Variants in AGAP1 observed in about 807,000 individuals in gnomAD.
The protein encoded by AGAP1 is arf-GAP with GTPase, ANK repeat and PH domain-containing protein 1.
In AGAP1, 29 loss-of-function variants were observed where a neutral mutation model predicts 105.3. The observed-to-expected ratio is 0.28, with a 90% CI of 0.21 to 0.38. AGAP1 has a LOEUF of 0.38. Ranked by LOEUF, AGAP1 falls within the 10% of genes least tolerant of loss-of-function variation. The pLI, the probability that AGAP1 is intolerant of heterozygous loss-of-function variation, is 1.00. For synonymous variants in AGAP1, 509 were observed against 485.9 expected (o/e 1.05, Z -0.63); for missense variants, 998 against 1,165.1 (o/e 0.86, Z 2.09).
In AGAP1 at chr2:235,789,166, A is replaced by G. The variant is rs1056309122; in HGVS notation, c.674-8593A>G. ...GATACACATATTAAAAATGTCAAATACACCATATTTGTTTCAGCACAGGGT... is the reference window on the plus strand; with the variant it reads ...GATACACATATTAAAAATGTCAAATGCACCATATTTGTTTCAGCACAGGGT... On this transcript the variant is annotated intron_variant, in intron 6 of 17. Transcript: ENST00000304032. This position sits in a 1 kb window ranked among gnomAD's most constrained non-coding sequence, Gnocchi z 4.2. Among the ~76,000 whole-genome samples the G allele has an allele frequency of 2.6e-5, 4 of 152,196 alleles. No homozygotes were observed. The highest frequency in any genetic ancestry group is 9.7e-5 in the African/African-American group (4 of 41,446).
At chr2:236,047,085 T>A (rs1457616123) in intron 15 of AGAP1, among the ~76,000 whole-genome samples, 1 of 151,834 alleles carries the variant, frequency 6.6e-6, no homozygotes, top group Non-Finnish European at 1.5e-5. Context: ...GCAGTGATTG[T>A]GCCACCACAA....
At chr2:236,006,498 A>T (rs887986398) in intron 13 of AGAP1, among the ~76,000 whole-genome samples, 2 of 152,238 alleles carry the variant, frequency 1.3e-5, no homozygotes, top group South Asian at 2.1e-4. Context: ...TTCTATATGT[A>T]ACCATCTGTA....
chr2:236,081,554 A>G (rs996051641), intron 16 of AGAP1, among the ~76,000 whole-genome samples: 11 of 152,174 alleles, frequency 7.2e-5, no homozygotes, highest in Admixed American at 3.3e-4. Flanking sequence ...CCAAGTCATT[A>G]CTTTTCAAAG....
In AGAP1 at chr2:236,001,165, C is replaced by T. The variant is rs1274132513; in HGVS notation, c.1645+32542C>T. ...GACTCTGGCGGTGGCTGGGGCAGCGCGGCTGTGGGGCAGAGAATGCTGAGA... is the reference window on the plus strand; with the variant it reads ...GACTCTGGCGGTGGCTGGGGCAGCGTGGCTGTGGGGCAGAGAATGCTGAGA... On this transcript the variant is annotated intron_variant, in intron 13 of 17. Coordinates refer to ENST00000304032, the MANE Select transcript of AGAP1 (RefSeq NM_001037131.3). This position sits in a 1 kb window ranked among gnomAD's most constrained non-coding sequence, Gnocchi z 4.7. Among the ~76,000 whole-genome samples, 2 of 152,076 alleles carry T rather than the reference C, an allele frequency of 1.3e-5. No individual in the cohort carries two copies. Among genetic ancestry groups the T allele is most frequent in the Non-Finnish European group, 2.9e-5 (2 of 68,006 alleles).
At chr2:235,593,948 G>T (rs1027507251) in intron 1 of AGAP1, among the ~76,000 whole-genome samples, 2 of 152,028 alleles carry the variant, frequency 1.3e-5, no homozygotes, top group African/African-American at 2.4e-5. Flanking sequence ...CAGCCTGGGG[G>T]ACAGAGCAAG....
Position 235,843,213 on chromosome 2 carries a change from T to G in AGAP1, c.1050+35882T>G, listed in dbSNP as rs1365112535. ...AGCTCCCAGAACCCATCACCAGCCCTCCTTCTTAGAGAGTGGTCTTCGGGA... is the reference window on the plus strand; with the variant it reads ...AGCTCCCAGAACCCATCACCAGCCCGCCTTCTTAGAGAGTGGTCTTCGGGA... On this transcript the variant is annotated intron_variant, in intron 9 of 17. Coordinates refer to ENST00000304032, the MANE Select transcript of AGAP1 (RefSeq NM_001037131.3). This position sits in a 1 kb window ranked among gnomAD's most constrained non-coding sequence, Gnocchi z 5.9. Among the ~76,000 whole-genome samples the G allele has an allele frequency of 8.9e-6, 1 of 112,326 alleles. No homozygotes were observed. The highest frequency in any genetic ancestry group is 2.1e-5 in the Non-Finnish European group (1 of 46,988). The allele number at this position is 112,326 out of a possible 152,430, so 73.7% of individuals were successfully genotyped here.
chr2:235,764,686 G>A (rs1171626790), intron 6 of AGAP1, among the ~76,000 whole-genome samples: 2 of 148,976 alleles, frequency 1.3e-5, no homozygotes, highest in Non-Finnish European at 3.0e-5. Context: ...GCATCTGGGA[G>A]CGCCCGTGGG....
rs2059470299 is a variant in AGAP1, at chr2:236,105,680, TTCTCCCGCGTTC to T, written c.2115-14511_2115-14500del. ...ACACCATTCTCCCGCGTTCACGCCA[TTCTCCCGCGTTC>T]ACGCCATTCTCCCACCTCAGCCTCC... On this transcript the variant is annotated intron_variant, in intron 16 of 17. Coordinates refer to ENST00000304032, the MANE Select transcript of AGAP1 (RefSeq NM_001037131.3). The surrounding 1 kb of genome is among the most constrained non-coding windows in gnomAD (Gnocchi z 4.2). Among the ~76,000 whole-genome samples, 1 of 150,422 alleles carries T rather than the reference TTCTCCCGCGTTC, an allele frequency of 6.6e-6. No individual in the cohort carries two copies. Among genetic ancestry groups the T allele is most frequent in the Non-Finnish European group, 1.5e-5 (1 of 67,506 alleles).
At position 235,615,042 on chromosome 2, in the gene AGAP1, A is replaced by T. The variant is rs1294609488; in HGVS notation, c.164-94137A>T. ...GGTTTTCCTGGCGGTGTGGTTTTTT[A>T]AAATTTCTAATAAAATGCAAATGAT... On this transcript the variant is annotated intron_variant, in intron 1 of 17. Coordinates refer to ENST00000304032, the MANE Select transcript of AGAP1 (RefSeq NM_001037131.3). The surrounding 1 kb of genome is among the most constrained non-coding windows in gnomAD (Gnocchi z 5.0). Among the ~76,000 whole-genome samples, 1 of 152,222 alleles carries T rather than the reference A, an allele frequency of 6.6e-6. No homozygotes were observed. Among genetic ancestry groups the T allele is most frequent in the Admixed American group, 6.5e-5 (1 of 15,282 alleles).
intron 14 of AGAP1, among the ~76,000 whole-genome samples, chr2:236,039,921 A>G (rs1391543131): frequency 6.6e-6 from 1 of 152,074 alleles, no homozygotes; most frequent in Non-Finnish European, 1.5e-5. Flanking sequence ...ACTTGCTTCA[A>G]TGAGCATGTA....
At position 236,040,815 on chromosome 2, in the gene AGAP1, C is replaced by G. The variant is rs1313210101; in HGVS notation, c.1865C>G (p.Ser622Cys). ...LQSIRNMRGN[S>C]HCVDCETQNP... ...TCGATCCGGAACATGCGCGGGAACT[C>G]CCACTGTGTGGACTGCGAGACCCAG... The change falls in exon 15 of 18, where the codon TCC becomes TGC. Residue 622 changes from serine to cysteine, a missense_variant. Physicochemically the swap from Ser to Cys is moderately radical, Grantham distance 112 (BLOSUM62 -1). This residue lies in a region of AGAP1 where 735 missense variants were observed against 833.4 expected (regional missense o/e 0.88). Coordinates refer to ENST00000304032, the MANE Select transcript of AGAP1 (RefSeq NM_001037131.3). This position sits in a 1 kb window ranked among gnomAD's most constrained non-coding sequence, Gnocchi z 5.6. The G allele has an allele frequency of 5.3e-5, 86 of 1,614,042 alleles. No individual in the cohort carries two copies. Among genetic ancestry groups the G allele is most frequent in the Non-Finnish European group, 7.2e-5 (85 of 1,180,054 alleles).
intron 16 of AGAP1, among the ~76,000 whole-genome samples, chr2:236,116,392 C>T (rs1455306244): frequency 2.5e-5 from 3 of 120,904 alleles, no homozygotes; most frequent in African/African-American, 9.0e-5. Flanking sequence ...CTCTGTCGCC[C>T]ACGCTGGAGT....
At chr2:235,562,099 G>C (rs908753067) in intron 1 of AGAP1, among the ~76,000 whole-genome samples, 2 of 152,154 alleles carry the variant, frequency 1.3e-5, no homozygotes, top group East Asian at 1.9e-4. Context: ...GCATGTAAAA[G>C]ATTATGTCAA....
At position 235,806,264 on chromosome 2, in the gene AGAP1, T is replaced by A. The variant is rs1406760689; in HGVS notation, c.958-975T>A. Among the ~76,000 whole-genome samples the A allele has an allele frequency of 2.0e-5, 3 of 152,232 alleles. No homozygotes were observed. In the East Asian group the frequency reaches 5.8e-4, roughly 29 times the overall value. On this transcript the variant is annotated intron_variant, in intron 8 of 17. Coordinates refer to ENST00000304032, the MANE Select transcript of AGAP1 (RefSeq NM_001037131.3). ...AAAGCACGTGAAAATGTTTCTCCAT[T>A]TTCAATATTGTGTGAGTAATGTTCC... is the stretch of plus-strand genomic sequence containing the variant.
chr2:235,656,635 A>G (rs889227959), intron 1 of AGAP1, among the ~76,000 whole-genome samples: 1 of 152,148 alleles, frequency 6.6e-6, no homozygotes, highest in African/African-American at 2.4e-5. Flanking sequence ...GTCTAACCCT[A>G]GCCAACAGGG....
intron 6 of AGAP1, among the ~76,000 whole-genome samples, chr2:235,783,673 CTGAT>C (rs1956420690): frequency 1.3e-5 from 2 of 151,854 alleles, no homozygotes; most frequent in East Asian, 1.9e-4. Flanking sequence ...AACGGGCAAA[CTGAT>C]TGGTGATGAA....
intron 3 of AGAP1, among the ~76,000 whole-genome samples, chr2:235,727,357 T>G (rs1416053114): frequency 1.3e-5 from 2 of 152,068 alleles, no homozygotes; most frequent in Non-Finnish European, 2.9e-5. Context: ...GAGGGGGTGT[T>G]GTGCAATGCA....
At position 235,855,893 on chromosome 2, in the gene AGAP1, A is replaced by C. The variant is rs2048665196; in HGVS notation, c.1051-27452A>C. Reference sequence around the variant, plus strand: ...GGTCAGCCTTGTCTCAGAAGTACTGAGAATATTATTATTATCATTATTATT... The same window carrying C: ...GGTCAGCCTTGTCTCAGAAGTACTGCGAATATTATTATTATCATTATTATT... On this transcript the variant is annotated intron_variant, in intron 9 of 17. Coordinates refer to ENST00000304032, the MANE Select transcript of AGAP1 (RefSeq NM_001037131.3). This position sits in a 1 kb window ranked among gnomAD's most constrained non-coding sequence, Gnocchi z 5.0. Among the ~76,000 whole-genome samples the C allele has an allele frequency of 6.6e-6, 1 of 152,026 alleles. No homozygotes were observed. The highest frequency in any genetic ancestry group is 2.1e-4 in the South Asian group (1 of 4,820).
At chr2:235,497,658 G>T (rs549058576) in intron 1 of AGAP1, among the ~76,000 whole-genome samples, 28 of 152,308 alleles carry the variant, frequency 1.8e-4, no homozygotes, top group Non-Finnish European at 3.8e-4. Context: ...GTGCAGCGGC[G>T]CAATCTCGGC....
Sources: gnomAD v4.1 joint callset for allele counts (sites outside exome capture counted in the v4.1 genomes callset) on GRCh38, gnomAD v4.1.1 for gene constraint, gnomAD v4.1.1 regional missense constraint, Gnocchi (gnomAD v3.1) non-coding constraint, MANE v1.5 for transcripts, NCBI Gene and HGNC (gene_info 2026-07-23, HGNC 2026-07-21) for gene names.